PRKCH: variants seen among roughly 807,000 people sequenced by gnomAD.
PRKCH encodes the protein protein kinase C eta, also known as protein kinase C eta type.
A neutral mutation model predicts 82.5 loss-of-function variants in PRKCH; 28 were observed. The ratio of observed to expected loss-of-function variants is 0.34; its 90% CI spans 0.25 to 0.47. The LOEUF is 0.47. Among genes scored for constraint, PRKCH ranks in the 20% least tolerant of loss-of-function variants. The pLI, the probability that PRKCH is intolerant of heterozygous loss-of-function variation, is 1.00. For missense variants in PRKCH, 705 were observed against 881.8 expected, an observed-to-expected ratio of 0.80 and a Z score of 2.54; for synonymous variants, 322 against 327.4, an observed-to-expected ratio of 0.98 and a Z score of 0.18.
intron 1 of PRKCH, among the ~76,000 whole-genome samples, chr14:61,201,739 G>C (rs1457338138): frequency 6.6e-6 from 1 of 152,138 alleles, no homozygotes; most frequent in Non-Finnish European, 1.5e-5. Flanking sequence ...ACAAAAGTTG[G>C]AAGGGTGGTT....
intron 1 of PRKCH, among the ~76,000 whole-genome samples, chr14:61,242,461 G>C (rs1306344857): frequency 1.3e-5 from 2 of 152,276 alleles, no homozygotes; most frequent in East Asian, 1.9e-4. Context: ...GCAGTGGCAC[G>C]ATCTCAGCTC....
At chr14:61,311,622 C>G (rs994347028) in intron 1 of PRKCH, among the ~76,000 whole-genome samples, 1 of 152,162 alleles carries the variant, frequency 6.6e-6, no homozygotes, top group Admixed American at 6.5e-5. Flanking sequence ...CTCTTGGTAC[C>G]AATTTACTGT....
intron 10 of PRKCH, among the ~76,000 whole-genome samples, chr14:61,501,663 TG>T (rs1295023631): frequency 6.6e-6 from 1 of 152,170 alleles, no homozygotes; most frequent in Non-Finnish European, 1.5e-5. Context: ...GAATTCATGG[TG>T]GGGAGTAAGT....
intron 2 of PRKCH, among the ~76,000 whole-genome samples, chr14:61,417,366 GA>G (rs758945597): frequency 6.6e-6 from 1 of 152,148 alleles, no homozygotes; most frequent in Non-Finnish European, 1.5e-5. Flanking sequence ...GGCTTTAACT[GA>G]AAGCACCTGA....
At position 61,550,080 on chromosome 14, in the gene PRKCH, G is replaced by T. The variant is rs2043308010; in HGVS notation, c.*249G>T. 2.7e-6 allele frequency: 1 copy of T among 374,080 alleles called. No individual in the cohort carries two copies. Among genetic ancestry groups the T allele is most frequent in the East Asian group, 4.2e-5 (1 of 23,942 alleles). The allele number at this position is 374,080 out of a possible 1,614,324, so 23.2% of individuals were successfully genotyped here. A position where few individuals can be genotyped will look rare whatever the true frequency, so the allele number is the denominator to read the frequency against. On this transcript the variant is annotated 3_prime_UTR_variant, in exon 14 of 14. Coordinates refer to ENST00000332981, the MANE Select transcript of PRKCH (RefSeq NM_006255.5). ...GAAGTATACCGCTCCACCTATGAGC[G>T]TCTGTCTCTGTGGGCTTGGGATGTT... is the stretch of plus-strand genomic sequence containing the variant.
rs183864770 is a variant in PRKCH at position 61,316,039 on chromosome 14, C to T, written c.-19+128371C>T. Among the ~76,000 whole-genome samples, 340 of 152,196 alleles carry T rather than the reference C, an allele frequency of 2.2e-3. 2 individuals carry two copies. Among genetic ancestry groups the T allele is most frequent in the African/African-American group, 8.0e-3 (333 of 41,530 alleles). ...CTGGGATTACAGGTGTGAGCCACTG[C>T]GCCCAGCCTATTTACTGTTTTTTTC... On this transcript the variant is annotated intron_variant, in intron 1 of 3. Coordinates refer to the PRKCH transcript ENST00000555185.
chr14:61,239,754 C>G (rs1490772860), intron 1 of PRKCH, among the ~76,000 whole-genome samples: 8 of 152,144 alleles, frequency 5.3e-5, no homozygotes, highest in Non-Finnish European at 1.2e-4. Context: ...CACTGACTAC[C>G]TTCTTGGTAA....
chr14:61,269,483 T>C (rs371565867), intron 1 of PRKCH, among the ~76,000 whole-genome samples: 27 of 152,254 alleles, frequency 1.8e-4, no homozygotes, highest in African/African-American at 6.3e-4. Context: ...CTAGTATCCA[T>C]TGGCTATTTT....
intron 1 of PRKCH, among the ~76,000 whole-genome samples, chr14:61,225,174 A>G (rs2044687571): frequency 6.6e-6 from 1 of 152,238 alleles, no homozygotes; most frequent in South Asian, 2.1e-4. Flanking sequence ...GAGCCCTGAA[A>G]AAGAGTGTGT....
intron 1 of PRKCH, among the ~76,000 whole-genome samples, chr14:61,312,060 G>C (rs1032779916): frequency 2.6e-5 from 4 of 152,144 alleles, no homozygotes; most frequent in Non-Finnish European, 4.4e-5. Flanking sequence ...TCCCTCCCTC[G>C]ACATGTAGGG....
At chr14:61,442,969 G>C (rs1884047945) in intron 2 of PRKCH, 142 bp from the exon 3 acceptor site, 1 of 780,794 alleles carries the variant, frequency 1.3e-6, no homozygotes, top group African/African-American at 1.8e-5. Context: ...AAGCCATAAT[G>C]ATTTTAGGGG....
chr14:61,325,395 G>T (rs528281031), intron 1 of PRKCH, among the ~76,000 whole-genome samples: 11 of 152,280 alleles, frequency 7.2e-5, no homozygotes, highest in African/African-American at 2.6e-4. Context: ...TTCAACTAAT[G>T]GTGCTTGAAC....
intron 1 of PRKCH, among the ~76,000 whole-genome samples, chr14:61,265,669 T>C (rs1201178094): frequency 6.6e-6 from 1 of 152,158 alleles, no homozygotes; most frequent in Non-Finnish European, 1.5e-5. Flanking sequence ...CACCAAATCA[T>C]CTTTGAATTT....
intron 6 of PRKCH, chr14:61,452,809 T>C (rs1037059516): frequency 2.4e-5 from 5 of 208,586 alleles, no homozygotes; most frequent in African/African-American, 7.2e-5. Flanking sequence ...GCATTTAAAC[T>C]GCTACCTTTT....
At chr14:61,314,822 C>T (rs577904197) in intron 1 of PRKCH, among the ~76,000 whole-genome samples, 45 of 152,232 alleles carry the variant, frequency 3.0e-4, no homozygotes, top group Admixed American at 2.6e-3. Context: ...ACAGACTGGC[C>T]GTCAGGACCC....
chr14:61,455,738 C>T lies in PRKCH; in HGVS notation c.961-1438C>T, dbSNP rs77764988. ...TCAAGTATCCTTAATCCATGACATC[C>T]GGTGCCTGGCTGGATGTTAGACTTT... is the stretch of plus-strand genomic sequence containing the variant. On this transcript the variant is annotated intron_variant, in intron 7 of 13. Transcript: ENST00000332981. Among the ~76,000 whole-genome samples, 187 of 152,260 alleles carry T rather than the reference C, an allele frequency of 1.2e-3. 5 individuals carry two copies. Among genetic ancestry groups the T allele is most frequent in the East Asian group, 6.9e-3 (36 of 5,190 alleles).
intron 1 of PRKCH, among the ~76,000 whole-genome samples, chr14:61,390,442 G>A (rs1269225449): frequency 6.6e-6 from 1 of 152,078 alleles, no homozygotes; most frequent in Non-Finnish European, 1.5e-5. Context: ...AGGCTGAGGC[G>A]GGAGGATCAT....
chr14:61,298,196 TC>T, intron 1 of PRKCH: 1 of 152,548 alleles, frequency 6.6e-6, no homozygotes, highest in East Asian at 1.9e-4. Context: ...CTGAGCAGTC[TC>T]ACCTGTGCCC....
intron 1 of PRKCH, among the ~76,000 whole-genome samples, chr14:61,212,319 G>C (rs2044588981): frequency 6.6e-6 from 1 of 152,176 alleles, no homozygotes; most frequent in Non-Finnish European, 1.5e-5. Context: ...CTTTCCTGTT[G>C]CAGAGCGGTT....
Sources: allele counts gnomAD v4.1 joint callset (sites outside exome capture counted in the v4.1 genomes callset), GRCh38; gene constraint gnomAD v4.1.1; transcripts MANE v1.5; gene names NCBI Gene and HGNC (gene_info 2026-07-23, HGNC 2026-07-21).